Variants in PTPRD observed in about 807,000 individuals in gnomAD.
The protein encoded by PTPRD is receptor-type tyrosine-protein phosphatase delta.
Under a neutral mutation model 214.5 loss-of-function variants are expected in PTPRD, and 34 were observed. That is an observed-to-expected ratio of 0.16 (90% confidence interval 0.12 to 0.21). The LOEUF is 0.21. Ranked by LOEUF, PTPRD falls within the 10% of genes least tolerant of loss-of-function variation. The pLI is 1.00. For missense variants in PTPRD, 2,545 were observed against 2,398.7 expected (o/e 1.06, Z -1.27); for synonymous variants, 1,128 against 845.7 (o/e 1.33, Z -5.79).
In PTPRD at chr9:9,069,848, A is replaced by C. The variant is rs954357649; in HGVS notation, c.-142-51113T>G. 2.6e-5 allele frequency among the ~76,000 whole-genome samples: 4 copies of C among 152,224 alleles called. No homozygotes were observed. The East Asian group carries it at 7.7e-4, about 29-fold the overall frequency. ...AGTATAAAAATGAGTTCACTAAAGC[A>C]GTGCCAGATTGAATCATCTAGCTAT... On this transcript the variant is annotated intron_variant, in intron 10 of 45. Coordinates refer to ENST00000381196, the MANE Select transcript of PTPRD (RefSeq NM_002839.4).
At position 9,909,928 on chromosome 9, in the gene PTPRD, A is replaced by C. The variant is rs1201638354; in HGVS notation, c.-368+28579T>G. ...AATACATATTCTTTGTAATACCTATAGATAGTAGATAAGGCATGCATACAA... is the reference window on the plus strand; with the variant it reads ...AATACATATTCTTTGTAATACCTATCGATAGTAGATAAGGCATGCATACAA... On this transcript the variant is annotated intron_variant, in intron 5 of 45. Coordinates refer to ENST00000381196, the MANE Select transcript of PTPRD (RefSeq NM_002839.4). Among the ~76,000 whole-genome samples, 4 of 151,942 alleles carry C rather than the reference A, an allele frequency of 2.6e-5. No homozygotes were observed. The East Asian group carries it at 7.7e-4, about 29-fold the overall frequency.
At chr9:9,234,950 C>T (rs1200920928) in intron 9 of PTPRD, among the ~76,000 whole-genome samples, 2 of 152,192 alleles carry the variant, frequency 1.3e-5, no homozygotes, top group Non-Finnish European at 2.9e-5. Flanking sequence ...TTTTGCGTAT[C>T]TTTACAGCAA....
chr9:8,465,358 C>A (rs1025071988), intron 32 of PTPRD, 108 bp downstream of exon 32: 2 of 991,146 alleles, frequency 2.0e-6, no homozygotes, highest in East Asian at 4.9e-5. Context: ...AATAACAGTT[C>A]ATGAGAAATA....
At chr9:9,143,900 AC>A (rs1417904581) in intron 10 of PTPRD, among the ~76,000 whole-genome samples, 2 of 152,330 alleles carry the variant, frequency 1.3e-5, no homozygotes, top group East Asian at 3.9e-4. Context: ...TACACGTAAT[AC>A]CTCAGTACAT....
At chr9:9,912,423 T>A (rs957514326) in intron 5 of PTPRD, among the ~76,000 whole-genome samples, 1 of 152,200 alleles carries the variant, frequency 6.6e-6, no homozygotes, top group Non-Finnish European at 1.5e-5. Flanking sequence ...ATTCCACTAT[T>A]TCTCTGGGGT....
chr9:9,178,342 C>G (rs1427099454), intron 10 of PTPRD, among the ~76,000 whole-genome samples: 1 of 151,882 alleles, frequency 6.6e-6, no homozygotes, highest in Non-Finnish European at 1.5e-5. Context: ...TTTCTTTTCT[C>G]TCTCTTTTTC....
At chr9:8,373,180 G>A (rs954548371) in intron 39 of PTPRD, among the ~76,000 whole-genome samples, 6 of 151,890 alleles carry the variant, frequency 4.0e-5, no homozygotes, top group African/African-American at 1.5e-4. Context: ...ACGGATAACT[G>A]TCATTTAAGA....
At chr9:9,320,525 C>T (rs1164729719) in intron 9 of PTPRD, among the ~76,000 whole-genome samples, 1 of 152,144 alleles carries the variant, frequency 6.6e-6, no homozygotes, top group African/African-American at 2.4e-5. Flanking sequence ...TCTCTGTTCA[C>T]ACTTCACTTA....
intron 4 of PTPRD, among the ~76,000 whole-genome samples, chr9:9,990,680 C>T (rs2095881013): frequency 6.6e-6 from 1 of 152,214 alleles, no homozygotes; most frequent in Non-Finnish European, 1.5e-5. Context: ...GTGAGCTGCC[C>T]ACCAACTCAG....
intron 8 of PTPRD, among the ~76,000 whole-genome samples, chr9:9,459,225 C>T (rs116364937): frequency 0.012 from 1,849 of 152,076 alleles, 29 homozygotes; most frequent in African/African-American, 0.042. Context: ...AAGCTATCAA[C>T]AACCAAGGAA....
intron 9 of PTPRD, among the ~76,000 whole-genome samples, chr9:9,240,452 C>T (rs958837702): frequency 1.3e-5 from 2 of 152,144 alleles, no homozygotes; most frequent in East Asian, 1.9e-4. Flanking sequence ...GTGGGCAGAT[C>T]ATGAGGTCAG....
chr9:10,329,428 G>C (rs2096708968), intron 3 of PTPRD, among the ~76,000 whole-genome samples: 1 of 151,790 alleles, frequency 6.6e-6, no homozygotes, highest in South Asian at 2.1e-4. Flanking sequence ...AAAAGTTATT[G>C]TATGTTTTCA....
chr9:9,867,790 C>T (rs939119665), intron 5 of PTPRD, among the ~76,000 whole-genome samples: 2 of 152,242 alleles, frequency 1.3e-5, no homozygotes, highest in African/African-American at 2.4e-5. Flanking sequence ...TAAAAAGGAA[C>T]TTCCTCCTCC....
At chr9:9,475,803 C>G (rs1344513739) in intron 8 of PTPRD, among the ~76,000 whole-genome samples, 1 of 152,120 alleles carries the variant, frequency 6.6e-6, no homozygotes, top group Non-Finnish European at 1.5e-5. Flanking sequence ...TGTGACTTGG[C>G]AATCTGAAGT....
intron 2 of PTPRD, among the ~76,000 whole-genome samples, chr9:10,406,390 A>G (rs953444214): frequency 3.3e-5 from 5 of 151,646 alleles, no homozygotes; most frequent in Non-Finnish European, 7.4e-5. Context: ...TTGAAGAAAT[A>G]GTAAGAATGT....
chr9:9,638,619 T>G (rs1165013216), intron 7 of PTPRD, among the ~76,000 whole-genome samples: 2 of 152,172 alleles, frequency 1.3e-5, no homozygotes, highest in Non-Finnish European at 2.9e-5. Context: ...CTTCCAGTAT[T>G]CATATCAAAA....
intron 8 of PTPRD, among the ~76,000 whole-genome samples, chr9:9,507,141 T>A (rs2096588787): frequency 6.6e-6 from 1 of 151,366 alleles, no homozygotes; most frequent in Admixed American, 6.6e-5. Flanking sequence ...AGAATTTGAA[T>A]GGCATCAAGA....
chr9:9,153,194 T>C (rs2099878341), intron 10 of PTPRD, among the ~76,000 whole-genome samples: 2 of 152,244 alleles, frequency 1.3e-5, no homozygotes, highest in Non-Finnish European at 2.9e-5. Context: ...TATTATTTCT[T>C]CAATAGCATC....
intron 11 of PTPRD, among the ~76,000 whole-genome samples, chr9:8,983,660 C>A: frequency 6.6e-6 from 1 of 151,390 alleles, no homozygotes; most frequent in East Asian, 2.0e-4. Context: ...ATGTGTGCTC[C>A]ACCATGCCTG....
Sources: allele counts gnomAD v4.1 joint callset (sites outside exome capture counted in the v4.1 genomes callset), GRCh38; gene constraint gnomAD v4.1.1; transcripts MANE v1.5; gene names NCBI Gene and HGNC (gene_info 2026-07-23, HGNC 2026-07-21).